The following DNM3 variants were observed in gnomAD, a reference collection of about 807,000 sequenced individuals.
DNM3 encodes dynamin-3.
A neutral mutation model predicts 101.6 loss-of-function variants in DNM3; 47 were observed. The observed-to-expected ratio is 0.46, with a 90% CI of 0.37 to 0.59. The LOEUF (loss-of-function observed/expected upper bound fraction) is 0.59, where lower values mean the gene tolerates loss of function less well. DNM3 is among the 20% of genes least tolerant of loss of function. The pLI, the probability that DNM3 is intolerant of heterozygous loss-of-function variation, is 0.00. For synonymous variants in DNM3, 385 were observed against 387.9 expected (o/e 0.99, Z 0.09); for missense variants, 849 against 1,085.7 (o/e 0.78, Z 3.06).
At chr1:171,992,115 T>C (rs2045673523) in intron 4 of DNM3, among the ~76,000 whole-genome samples, 1 of 152,206 alleles carries the variant, frequency 6.6e-6, no homozygotes, top group Non-Finnish European at 1.5e-5. Context: ...ATAATAAATG[T>C]AAACTAAAAA....
chr1:172,299,177 A>G (rs2064315751), intron 15 of DNM3, among the ~76,000 whole-genome samples: 1 of 152,180 alleles, frequency 6.6e-6, no homozygotes, highest in East Asian at 1.9e-4. Flanking sequence ...GGCACATCTG[A>G]CACACGAGGA....
chr1:172,009,453 C>G (rs537414693), intron 4 of DNM3, among the ~76,000 whole-genome samples: 2 of 151,442 alleles, frequency 1.3e-5, no homozygotes, highest in East Asian at 3.9e-4. Context: ...ATCCAATATT[C>G]TAGCCTTTAT....
intron 20 of DNM3, 143 bp from the exon 21 acceptor site, chr1:172,407,629 T>C: frequency 1.3e-6 from 1 of 749,210 alleles, no homozygotes; most frequent in Non-Finnish European, 2.2e-6. Flanking sequence ...GTGACAATGT[T>C]AAAATCATTA....
At chr1:172,332,996 A>T (rs1367306011) in intron 17 of DNM3, among the ~76,000 whole-genome samples, 1 of 152,330 alleles carries the variant, frequency 6.6e-6, no homozygotes, top group East Asian at 1.9e-4. Flanking sequence ...AAGTGCAGAA[A>T]CCAAAAATAG....
chr1:172,201,424 G>A (rs1176181309), intron 14 of DNM3, among the ~76,000 whole-genome samples: 1 of 152,132 alleles, frequency 6.6e-6, no homozygotes, highest in Non-Finnish European at 1.5e-5. Context: ...GTTAGTAGTG[G>A]TCATGGTCTA....
chr1:171,987,918 T>A, intron 3 of DNM3, 113 bp downstream of exon 3: 4 of 997,504 alleles, frequency 4.0e-6, no homozygotes, highest in Non-Finnish European at 5.4e-6. Context: ...TAGGGTATCC[T>A]TTGGATACTG....
rs773025082 is a variant in DNM3, at chr1:172,220,627, C to T, written c.1660-32946C>T. Among the ~76,000 whole-genome samples, 140 of 152,164 alleles carry T rather than the reference C, an allele frequency of 9.2e-4. 1 individual carries two copies. Among genetic ancestry groups the T allele is most frequent in the Admixed American group, 1.6e-3 (25 of 15,260 alleles). ...ACAGATGTCAGAAACAGCAGTGATTCTCAGGGAAGATTAAATGGTAGAGGA... is the reference window on the plus strand; with the variant it reads ...ACAGATGTCAGAAACAGCAGTGATTTTCAGGGAAGATTAAATGGTAGAGGA... On this transcript the variant is annotated intron_variant, in intron 14 of 20. Coordinates refer to ENST00000627582, the MANE Select transcript of DNM3 (RefSeq NM_015569.5).
At chr1:171,863,045 CT>C (rs35240856) in intron 1 of DNM3, among the ~76,000 whole-genome samples, 22,905 of 144,074 alleles carry the variant, frequency 0.16, 2,342 homozygotes, top group African/African-American at 0.28. Context: ...GGAGGGTGTG[CT>C]TTTTTTTTTT....
chr1:171,976,172 T>C lies in DNM3; in HGVS notation c.236-11484T>C, dbSNP rs535675755. Among the ~76,000 whole-genome samples, 83 of 152,290 alleles carry C rather than the reference T, an allele frequency of 5.5e-4. 1 individual carries two copies. In the East Asian group the frequency reaches 0.014, roughly 26 times the overall value. On this transcript the variant is annotated intron_variant, in intron 2 of 20. Coordinates refer to ENST00000627582, the MANE Select transcript of DNM3 (RefSeq NM_015569.5). ...AAAGGTTACTGGAAAAAAATAGATATTTACATGCAAAAAATAAACTTTGAT... is the reference window on the plus strand; with the variant it reads ...AAAGGTTACTGGAAAAAAATAGATACTTACATGCAAAAAATAAACTTTGAT...
intron 14 of DNM3, among the ~76,000 whole-genome samples, chr1:172,172,427 G>C (rs368605237): frequency 8.6e-5 from 13 of 151,584 alleles, no homozygotes; most frequent in African/African-American, 2.4e-4. Context: ...GGATACGTCG[G>C]ACAGAGGGAT....
chr1:172,317,613 C>G (rs140764293), intron 16 of DNM3, among the ~76,000 whole-genome samples: 5,689 of 152,282 alleles, frequency 0.037, 332 homozygotes, highest in African/African-American at 0.12. Flanking sequence ...ACCAACACCT[C>G]TATGCAAATA....
At position 172,112,605 on chromosome 1, in the gene DNM3, T is replaced by C. The variant is rs190030522; in HGVS notation, c.1546-18570T>C. ...TGAAAACATAACCAATTCCTGAATG[T>C]CAAAGGAATTGCTTTTTTTCCAGTG... is the stretch of plus-strand genomic sequence containing the variant. On this transcript the variant is annotated intron_variant, in intron 13 of 20. Coordinates refer to ENST00000627582, the MANE Select transcript of DNM3 (RefSeq NM_015569.5). Among the ~76,000 whole-genome samples, 138 of 152,288 alleles carry C rather than the reference T, an allele frequency of 9.1e-4. 1 individual carries two copies. The highest frequency in any genetic ancestry group is 3.3e-3 in the East Asian group (17 of 5,190).
chr1:172,361,501 A>C (rs1315369657), intron 17 of DNM3, among the ~76,000 whole-genome samples: 1 of 151,994 alleles, frequency 6.6e-6, no homozygotes, highest in Non-Finnish European at 1.5e-5. Flanking sequence ...TGCTTTTCCC[A>C]GACTTATATC....
intron 12 of DNM3, among the ~76,000 whole-genome samples, chr1:172,082,444 G>A (rs544126099): frequency 1.3e-5 from 2 of 151,814 alleles, no homozygotes; most frequent in Non-Finnish European, 2.9e-5. Context: ...TCATGCAAAC[G>A]TTATGGTTAG....
chr1:172,174,558 T>G (rs530084412), intron 14 of DNM3, among the ~76,000 whole-genome samples: 2 of 151,856 alleles, frequency 1.3e-5, no homozygotes, highest in African/African-American at 4.8e-5. Context: ...TTGGCTGACA[T>G]TTTTTAACAA....
intron 1 of DNM3, among the ~76,000 whole-genome samples, chr1:171,908,210 T>G (rs2038986940): frequency 6.6e-6 from 1 of 152,234 alleles, no homozygotes; most frequent in Non-Finnish European, 1.5e-5. Flanking sequence ...TGGGCTATTC[T>G]TCAAATCCCA....
intron 14 of DNM3, among the ~76,000 whole-genome samples, chr1:172,146,369 T>C (rs1317318585): frequency 6.6e-6 from 1 of 152,094 alleles, no homozygotes; most frequent in Non-Finnish European, 1.5e-5. Context: ...TTAAATAAGA[T>C]AAACATGAAT....
chr1:172,316,448 G>T (rs12073411), intron 16 of DNM3, among the ~76,000 whole-genome samples: 11,869 of 151,876 alleles, frequency 0.078, 548 homozygotes, highest in African/African-American at 0.12. Context: ...ACTGGCAAAT[G>T]GGATAAAGAA....
intron 16 of DNM3, chr1:172,311,119 A>C (rs2065060685): frequency 6.6e-6 from 1 of 152,184 alleles, no homozygotes; most frequent in Non-Finnish European, 1.5e-5. Context: ...GGCAGGTACA[A>C]GTAAGCACTA....
Sources: allele counts gnomAD v4.1 joint callset (sites outside exome capture counted in the v4.1 genomes callset), GRCh38; gene constraint gnomAD v4.1.1; transcripts MANE v1.5; gene names NCBI Gene and HGNC (gene_info 2026-07-23, HGNC 2026-07-21).